ATP2B2: variants seen among roughly 807,000 people sequenced by gnomAD.
ATP2B2 encodes the protein plasma membrane calcium-transporting ATPase 2.
A neutral mutation model predicts 120.0 loss-of-function variants in ATP2B2; 15 were observed. That is an observed-to-expected ratio of 0.12 (90% CI 0.08 to 0.19). The LOEUF is 0.19. Among genes scored for constraint, ATP2B2 ranks in the 10% least tolerant of loss-of-function variants. The pLI, the probability that ATP2B2 is intolerant of heterozygous loss-of-function variation, is 1.00. For missense variants in ATP2B2, 1,045 were observed against 1,719.8 expected, an observed-to-expected ratio of 0.61 and a Z score of 6.94; for synonymous variants, 694 against 700.3, an observed-to-expected ratio of 0.99 and a Z score of 0.14.
chr3:10,497,587 A>G (rs928293925), intron 1 of ATP2B2, among the ~76,000 whole-genome samples: 1 of 152,248 alleles, frequency 6.6e-6, no homozygotes, highest in African/African-American at 2.4e-5. Context: ...TATGAATTGG[A>G]CACTTTTGTT....
chr3:10,504,346 C>G (rs1033661924), intron 1 of ATP2B2, among the ~76,000 whole-genome samples: 1 of 152,226 alleles, frequency 6.6e-6, no homozygotes, highest in African/African-American at 2.4e-5. Context: ...AACGTCAGCT[C>G]TGCCTCCTCC....
intron 3 of ATP2B2, among the ~76,000 whole-genome samples, chr3:10,529,881 G>A (rs1294464400): frequency 6.6e-6 from 1 of 152,156 alleles, no homozygotes; most frequent in Non-Finnish European, 1.5e-5. Flanking sequence ...TGAAGGCAGG[G>A]GACTAGAGTG....
intron 2 of ATP2B2, among the ~76,000 whole-genome samples, chr3:10,438,944 G>C (rs918244): frequency 0.051 from 7,827 of 152,320 alleles, 476 homozygotes; most frequent in East Asian, 0.29. Flanking sequence ...CTGGGAGCTA[G>C]AGAACTGTTG....
At chr3:10,501,213 T>G (rs1015929976) in intron 1 of ATP2B2, among the ~76,000 whole-genome samples, 5 of 152,178 alleles carry the variant, frequency 3.3e-5, no homozygotes, top group African/African-American at 1.2e-4. Flanking sequence ...TTTCCTAGAC[T>G]GTGAATGACA....
At chr3:10,578,616 T>C (rs1037233855) in intron 2 of ATP2B2, among the ~76,000 whole-genome samples, 9 of 151,638 alleles carry the variant, frequency 5.9e-5, no homozygotes, top group African/African-American at 2.2e-4. Flanking sequence ...CAGATATTCA[T>C]AGAGACTTAA....
chr3:10,356,271 G>A (rs1042031586), intron 14 of ATP2B2, among the ~76,000 whole-genome samples: 12 of 151,542 alleles, frequency 7.9e-5, no homozygotes, highest in Non-Finnish European at 1.5e-5. Flanking sequence ...GCACATCACT[G>A]TCCCCCTTTG....
intron 1 of ATP2B2, among the ~76,000 whole-genome samples, chr3:10,503,035 G>T (rs78574312): frequency 0.023 from 3,433 of 152,296 alleles, 52 homozygotes; most frequent in East Asian, 0.085. Flanking sequence ...AGTTAGCTGG[G>T]TGAATGCTAG....
chr3:10,345,281 G>A (rs1395251209), intron 18 of ATP2B2, 103 bp downstream of exon 18: 32 of 1,350,962 alleles, frequency 2.4e-5, no homozygotes, highest in South Asian at 3.7e-5. Context: ...CCTCATCCCC[G>A]GCTGTTCTGA....
At chr3:10,400,494 G>A (rs1039675178) in intron 5 of ATP2B2, among the ~76,000 whole-genome samples, 1 of 152,056 alleles carries the variant, frequency 6.6e-6, no homozygotes, top group African/African-American at 2.4e-5. Context: ...TTTTCACATC[G>A]CCTCCCTGCT....
At chr3:10,379,659 C>A (rs1277335158) in intron 8 of ATP2B2, among the ~76,000 whole-genome samples, 1 of 152,060 alleles carries the variant, frequency 6.6e-6, no homozygotes, top group African/African-American at 2.4e-5. Flanking sequence ...CTTTTTGTGA[C>A]CGATTTGGTG....
chr3:10,439,530 C>A (rs1008987073), intron 2 of ATP2B2, among the ~76,000 whole-genome samples: 4 of 152,210 alleles, frequency 2.6e-5, no homozygotes, highest in Non-Finnish European at 5.9e-5. Flanking sequence ...AGTGTGGCCC[C>A]TGGAAGCCAG....
At chr3:10,591,469 C>T (rs1575532333) in intron 2 of ATP2B2, among the ~76,000 whole-genome samples, 2 of 152,178 alleles carry the variant, frequency 1.3e-5, no homozygotes, top group African/African-American at 4.8e-5. Context: ...ACAGAGCTCA[C>T]CACTGTGGCG....
At chr3:10,469,921 A>T (rs2064911730) in intron 1 of ATP2B2, among the ~76,000 whole-genome samples, 1 of 152,044 alleles carries the variant, frequency 6.6e-6, no homozygotes, top group African/African-American at 2.4e-5. Context: ...GCAACCATGC[A>T]GGATGTCACT....
chr3:10,595,261 T>C (rs114463724), intron 2 of ATP2B2, among the ~76,000 whole-genome samples: 3,281 of 152,172 alleles, frequency 0.022, 43 homozygotes, highest in South Asian at 0.043. Context: ...TCTGGGGGCC[T>C]TTTGGGGAAG....
intron 8 of ATP2B2, among the ~76,000 whole-genome samples, chr3:10,383,087 A>G (rs1050211983): frequency 7.3e-5 from 11 of 149,688 alleles, no homozygotes; most frequent in East Asian, 5.8e-4. Flanking sequence ...TTATTTTATT[A>G]TTATTATACT....
intron 2 of ATP2B2, among the ~76,000 whole-genome samples, chr3:10,546,920 A>G (rs918524768): frequency 6.6e-6 from 1 of 152,208 alleles, no homozygotes; most frequent in Non-Finnish European, 1.5e-5. Flanking sequence ...ATCAGTGAGC[A>G]CTGAGCATCT....
In ATP2B2 at chr3:10,358,724, G is replaced by A. The variant is rs1213595450; in HGVS notation, c.2103C>T (p.Cys701=). 9 of 1,614,088 alleles carry A rather than the reference G, an allele frequency of 5.6e-6. No homozygotes were observed. The highest frequency in any genetic ancestry group is 4.5e-5 in the East Asian group (2 of 44,892). The change falls in exon 14 of 23, where the codon TGC becomes TGT. Residue 701 remains cysteine (C), a synonymous_variant. Coordinates refer to ENST00000360273, the MANE Select transcript of ATP2B2 (RefSeq NM_001001331.4). The part of the protein sequence containing the change: ...NDILNELTCI[C]VVGIEDPVRP... The stretch of plus-strand genomic sequence containing the variant: ...GCACCGGGTCCTCGATGCCCACCAC[G>A]CAGATGCAGGTGAGTTCGTTGAGGA...
intron 2 of ATP2B2, among the ~76,000 whole-genome samples, chr3:10,571,047 C>T (rs1025742897): frequency 5.9e-5 from 9 of 152,212 alleles, no homozygotes; most frequent in African/African-American, 2.2e-4. Context: ...CGAAAAGAGA[C>T]AAATTTCTCT....
chr3:10,510,174 T>C (rs1038218954), upstream of ATP2B2, among the ~76,000 whole-genome samples: 1 of 152,164 alleles, frequency 6.6e-6, no homozygotes, highest in Non-Finnish European at 1.5e-5. Context: ...CTCCTCCTAC[T>C]GGTCCTTGCT....
Sources: allele counts gnomAD v4.1 joint callset (sites outside exome capture counted in the v4.1 genomes callset), GRCh38; gene constraint gnomAD v4.1.1; transcripts MANE v1.5; gene names NCBI Gene and HGNC (gene_info 2026-07-23, HGNC 2026-07-21).